Variants in CNTNAP2 observed in about 807,000 individuals in gnomAD.
CNTNAP2 encodes the protein contactin associated protein 2, also known as contactin-associated protein-like 2.
Under a neutral mutation model 155.2 loss-of-function variants are expected in CNTNAP2, and 98 were observed. The ratio of observed to expected loss-of-function variants is 0.63; its 90% confidence interval spans 0.54 to 0.75. CNTNAP2 has a LOEUF of 0.75. Among genes scored for constraint, CNTNAP2 ranks in the 30% least tolerant of loss-of-function variants. The pLI is 0.00. For synonymous variants in CNTNAP2, 651 were observed against 631.2 expected (o/e 1.03, Z -0.47); for missense variants, 1,727 against 1,688.1 (o/e 1.02, Z -0.40).
chr7:146,185,261 G>A (rs12703781), intron 1 of CNTNAP2, among the ~76,000 whole-genome samples: 43,914 of 151,900 alleles, frequency 0.29, 7,172 homozygotes, highest in African/African-American at 0.44. Flanking sequence ...TTTTTAGTGC[G>A]ATGGCTGGGA....
chr7:147,643,458 T>C (rs1795318209), intron 13 of CNTNAP2: 2 of 152,220 alleles, frequency 1.3e-5, no homozygotes, highest in South Asian at 2.1e-4. Context: ...TGTATTGTTA[T>C]ATTTTGCATA....
intron 20 of CNTNAP2, among the ~76,000 whole-genome samples, chr7:148,266,581 C>T (rs6974996): frequency 0.99 from 150,384 of 152,264 alleles, 74,289 homozygotes; most frequent in Middle Eastern, 1. Flanking sequence ...CTGTTTACCC[C>T]ACTTGACCCT....
chr7:147,161,246 A>AG (rs1193192206), intron 8 of CNTNAP2, among the ~76,000 whole-genome samples: 1 of 152,170 alleles, frequency 6.6e-6, no homozygotes, highest in African/African-American at 2.4e-5. Context: ...ATGAAGTACC[A>AG]GTTGCATAGC....
intron 11 of CNTNAP2, among the ~76,000 whole-genome samples, chr7:147,553,797 C>T (rs1048323418): frequency 7.9e-5 from 12 of 151,992 alleles, no homozygotes; most frequent in African/African-American, 2.7e-4. Context: ...ATGGTGAAAC[C>T]CTGTCTCTAC....
At chr7:148,243,626 C>T (rs1038383875) in intron 20 of CNTNAP2, among the ~76,000 whole-genome samples, 4 of 151,954 alleles carry the variant, frequency 2.6e-5, no homozygotes, top group African/African-American at 9.7e-5. Context: ...TCTCGTGAGA[C>T]TTATTCACTA....
At chr7:147,263,933 C>G (rs1184305163) in intron 8 of CNTNAP2, among the ~76,000 whole-genome samples, 2 of 152,150 alleles carry the variant, frequency 1.3e-5, no homozygotes, top group African/African-American at 4.8e-5. Flanking sequence ...GTGTTTGAGT[C>G]TATGGGGACA....
chr7:148,175,658 A>G (rs1442440250), intron 18 of CNTNAP2, among the ~76,000 whole-genome samples: 1 of 152,160 alleles, frequency 6.6e-6, no homozygotes, highest in Non-Finnish European at 1.5e-5. Flanking sequence ...ACACTCAGCT[A>G]TGTGAGAGGC....
chr7:146,644,716 A>G (rs1484547963), intron 1 of CNTNAP2, among the ~76,000 whole-genome samples: 2 of 152,196 alleles, frequency 1.3e-5, no homozygotes, highest in Non-Finnish European at 2.9e-5. Flanking sequence ...TACACAAATA[A>G]ACTAGAAAAT....
chr7:148,053,849 T>C (rs1174818892), intron 15 of CNTNAP2, among the ~76,000 whole-genome samples: 1 of 152,166 alleles, frequency 6.6e-6, no homozygotes, highest in Admixed American at 6.6e-5. Flanking sequence ...CTAAAATACT[T>C]AGGTATTGAG....
At chr7:148,165,837 G>A (rs1007976474) in intron 17 of CNTNAP2, among the ~76,000 whole-genome samples, 7 of 152,154 alleles carry the variant, frequency 4.6e-5, no homozygotes, top group Admixed American at 1.3e-4. Flanking sequence ...CAAGAAGCAC[G>A]TCCTCATCAT....
chr7:148,269,307 A>G (rs910617141), intron 21 of CNTNAP2, among the ~76,000 whole-genome samples: 4 of 152,192 alleles, frequency 2.6e-5, no homozygotes, highest in African/African-American at 9.6e-5. Context: ...TGCATCCTGA[A>G]AACAGCACTC....
intron 13 of CNTNAP2, among the ~76,000 whole-genome samples, chr7:147,810,413 G>C (rs537144790): frequency 1.2e-4 from 18 of 151,942 alleles, no homozygotes; most frequent in African/African-American, 4.3e-4. Context: ...GTACTAACAT[G>C]AATAATATGT....
chr7:148,075,453 A>G (rs188838468), intron 15 of CNTNAP2, among the ~76,000 whole-genome samples: 115 of 151,928 alleles, frequency 7.6e-4, no homozygotes, highest in African/African-American at 2.6e-3. Context: ...AAAAAAAATT[A>G]ATAATGCTGC....
intron 10 of CNTNAP2, among the ~76,000 whole-genome samples, chr7:147,455,653 T>G (rs891576158): frequency 1.3e-5 from 2 of 152,118 alleles, no homozygotes; most frequent in African/African-American, 2.4e-5. Context: ...TTTTGTGAAG[T>G]AATTTCATCA....
intron 1 of CNTNAP2, among the ~76,000 whole-genome samples, chr7:146,428,120 A>G (rs1268702501): frequency 6.6e-6 from 1 of 151,988 alleles, no homozygotes; most frequent in East Asian, 1.9e-4. Flanking sequence ...TATACACCAC[A>G]TTTTCTTTAT....
At chr7:147,466,098 A>C (rs1240784030) in intron 10 of CNTNAP2, among the ~76,000 whole-genome samples, 4 of 152,226 alleles carry the variant, frequency 2.6e-5, no homozygotes, top group African/African-American at 9.6e-5. Flanking sequence ...ATAAAGGCCA[A>C]AGATACAGAG....
chr7:146,721,608 C>CTA (rs1179065302), intron 1 of CNTNAP2, among the ~76,000 whole-genome samples: 3 of 85,734 alleles, frequency 3.5e-5, no homozygotes, highest in East Asian at 4.7e-4. Context: ...TATATACATT[C>CTA]TATATATATA....
At chr7:148,036,120 A>G (rs1480713948) in intron 15 of CNTNAP2, among the ~76,000 whole-genome samples, 1 of 152,228 alleles carries the variant, frequency 6.6e-6, no homozygotes, top group Admixed American at 6.5e-5. Context: ...ATTTGCCTCA[A>G]GTGAATCATG....
Position 147,890,661 on chromosome 7 carries a change from A to C in CNTNAP2, c.2099-12904A>C, listed in dbSNP as rs2538974. On this transcript the variant is annotated intron_variant, in intron 13 of 23. Coordinates refer to ENST00000361727, the MANE Select transcript of CNTNAP2 (RefSeq NM_014141.6). ...AACACAGTGATTTCTGGAACACAGA[A>C]GAACATAGAATACATTATGTTGAGT... Among the ~76,000 whole-genome samples the C allele has an allele frequency of 9.9e-5, 15 of 152,116 alleles. 1 individual carries two copies. The South Asian group carries it at 3.1e-3, about 32-fold the overall frequency.
Sources: allele counts gnomAD v4.1 joint callset (sites outside exome capture counted in the v4.1 genomes callset), GRCh38; gene constraint gnomAD v4.1.1; transcripts MANE v1.5; gene names NCBI Gene and HGNC (gene_info 2026-07-23, HGNC 2026-07-21).